WDPCP: variants seen among roughly 807,000 people sequenced by gnomAD.
WDPCP encodes WD repeat-containing and planar cell polarity effector protein fritz homolog.
A neutral mutation model predicts 93.1 loss-of-function variants in WDPCP; 71 were observed. That is an observed-to-expected ratio of 0.76 (90% CI 0.63 to 0.93). The LOEUF (loss-of-function observed/expected upper bound fraction) is 0.93. Ranked by LOEUF, WDPCP falls within the 40% of genes least tolerant of loss-of-function variation. The pLI, the probability that WDPCP is intolerant of heterozygous loss-of-function variation, is 0.00. For synonymous variants in WDPCP, 315 were observed against 315.0 expected, an observed-to-expected ratio of 1.00 and a Z score of 0.00; for missense variants, 844 against 887.4, an observed-to-expected ratio of 0.95 and a Z score of 0.62.
intron 1 of WDPCP, among the ~76,000 whole-genome samples, chr2:63,526,853 T>C (rs1703374038): frequency 6.6e-6 from 1 of 152,224 alleles, no homozygotes; most frequent in Non-Finnish European, 1.5e-5. Context: ...ATTATTTCTT[T>C]GCTTACTCAT....
At chr2:63,501,163 A>T (rs1701523962) in intron 1 of WDPCP, among the ~76,000 whole-genome samples, 2 of 152,228 alleles carry the variant, frequency 1.3e-5, no homozygotes, top group African/African-American at 2.4e-5. Flanking sequence ...AAAAACACTA[A>T]GCAACTAAAT....
chr2:63,668,696 C>A (rs146062820), intron 2 of WDPCP, among the ~76,000 whole-genome samples: 50 of 152,328 alleles, frequency 3.3e-4, no homozygotes, highest in African/African-American at 1.1e-3. Context: ...TCCCTGCCCC[C>A]GCTTTCCAGG....
intron 2 of WDPCP, among the ~76,000 whole-genome samples, chr2:63,703,125 T>G (rs1477420326): frequency 6.6e-6 from 1 of 152,220 alleles, no homozygotes; most frequent in African/African-American, 2.4e-5. Flanking sequence ...CTATCATTGT[T>G]GGACATTTGG....
intron 14 of WDPCP, among the ~76,000 whole-genome samples, chr2:63,203,994 C>A (rs1676123064): frequency 1.3e-5 from 2 of 152,146 alleles, no homozygotes; most frequent in African/African-American, 4.8e-5. Flanking sequence ...CTCCTGTGAA[C>A]AACATTGCAA....
chr2:63,371,341 A>G (rs1397013623), intron 12 of WDPCP, among the ~76,000 whole-genome samples: 2 of 152,094 alleles, frequency 1.3e-5, no homozygotes, highest in Non-Finnish European at 2.9e-5. Flanking sequence ...CGCTTACTCA[A>G]TTACTGCAAT....
chr2:63,657,823 G>C (rs189969685), intron 2 of WDPCP, among the ~76,000 whole-genome samples: 1 of 152,246 alleles, frequency 6.6e-6, no homozygotes, highest in Admixed American at 6.5e-5. Context: ...TTACAGTAGA[G>C]TCCCTCAGTC....
chr2:63,572,064 G>A (rs1229837368), intron 1 of WDPCP, among the ~76,000 whole-genome samples: 2 of 152,132 alleles, frequency 1.3e-5, no homozygotes, highest in South Asian at 2.1e-4. Context: ...AGCAGTGGAC[G>A]TATAGATAAT....
chr2:63,704,921 C>T (rs1370853127), intron 2 of WDPCP, among the ~76,000 whole-genome samples: 3 of 152,172 alleles, frequency 2.0e-5, no homozygotes, highest in Non-Finnish European at 4.4e-5. Flanking sequence ...GTGAATCCAT[C>T]TGGTCCTGGA....
At chr2:63,664,024 G>A (rs2106635007) in intron 2 of WDPCP, among the ~76,000 whole-genome samples, 1 of 152,178 alleles carries the variant, frequency 6.6e-6, no homozygotes, top group African/African-American at 2.4e-5. Context: ...TACAGTTTAG[G>A]GAAGTTTGAG....
chr2:63,137,955 T>C (rs927261899), intron 17 of WDPCP, among the ~76,000 whole-genome samples: 1 of 152,166 alleles, frequency 6.6e-6, no homozygotes, highest in Non-Finnish European at 1.5e-5. Context: ...TTGGTTACTG[T>C]AGTTCTGTAG....
chr2:63,678,312 AG>A (rs1710448532), intron 2 of WDPCP, among the ~76,000 whole-genome samples: 1 of 152,210 alleles, frequency 6.6e-6, no homozygotes, highest in Non-Finnish European at 1.5e-5. Context: ...TTCTCCATTT[AG>A]GGGGGAAACA....
chr2:63,152,682 C>T (rs1162374495), intron 17 of WDPCP, among the ~76,000 whole-genome samples: 1 of 152,130 alleles, frequency 6.6e-6, no homozygotes, highest in Non-Finnish European at 1.5e-5. Flanking sequence ...CTGTTATGCA[C>T]AATTTTATTT....
At chr2:63,617,034 T>C (rs1166111960) in intron 3 of WDPCP, among the ~76,000 whole-genome samples, 1 of 152,226 alleles carries the variant, frequency 6.6e-6, no homozygotes, top group Non-Finnish European at 1.5e-5. Flanking sequence ...GTCTCTGATT[T>C]GGCAGCAGGT....
At chr2:63,763,721 C>T (rs1374110825) in intron 2 of WDPCP, among the ~76,000 whole-genome samples, 1 of 152,076 alleles carries the variant, frequency 6.6e-6, no homozygotes, top group African/African-American at 2.4e-5. Flanking sequence ...AGGATATATT[C>T]AGAGATAGTC....
chr2:63,368,399 C>T (rs902086534), intron 12 of WDPCP, among the ~76,000 whole-genome samples: 3 of 151,832 alleles, frequency 2.0e-5, no homozygotes, highest in Non-Finnish European at 4.4e-5. Context: ...AATATCGGCT[C>T]ACTGCAGCCT....
At chr2:63,142,855 C>T (rs1671188026) in intron 17 of WDPCP, among the ~76,000 whole-genome samples, 1 of 146,458 alleles carries the variant, frequency 6.8e-6, no homozygotes, top group South Asian at 2.3e-4. Flanking sequence ...TGTGTACACA[C>T]ATATATATAC....
At chr2:63,216,967 G>A (rs1677411740) in intron 14 of WDPCP, among the ~76,000 whole-genome samples, 1 of 152,080 alleles carries the variant, frequency 6.6e-6, no homozygotes, top group South Asian at 2.1e-4. Context: ...CAATTGGTAG[G>A]ATTCTTGAAC....
At chr2:63,513,548 G>A (rs1167201987) in intron 1 of WDPCP, among the ~76,000 whole-genome samples, 7 of 151,944 alleles carry the variant, frequency 4.6e-5, no homozygotes, top group Admixed American at 1.3e-4. Flanking sequence ...AGTGATTCAC[G>A]GAAACCAGAA....
chr2:63,337,736 C>T (rs1688489386), intron 12 of WDPCP, among the ~76,000 whole-genome samples: 2 of 152,108 alleles, frequency 1.3e-5, no homozygotes, highest in Non-Finnish European at 2.9e-5. Context: ...TTTTGATTTG[C>T]ATTTCTCTGA....
Sources: gnomAD v4.1 joint callset for allele counts (sites outside exome capture counted in the v4.1 genomes callset) on GRCh38, gnomAD v4.1.1 for gene constraint, MANE v1.5 for transcripts, NCBI Gene and HGNC (gene_info 2026-07-23, HGNC 2026-07-21) for gene names.